Variants in KAZN observed in about 807,000 individuals in gnomAD.
The protein encoded by KAZN is kazrin.
A neutral mutation model predicts 87.4 loss-of-function variants in KAZN; 40 were observed. The ratio of observed to expected loss-of-function variants is 0.46; its 90% CI spans 0.36 to 0.60. The LOEUF is 0.60. Ranked by LOEUF, KAZN falls within the 20% of genes least tolerant of loss-of-function variation. The pLI, the probability that KAZN is intolerant of heterozygous loss-of-function variation, is 0.00. For missense variants in KAZN, 898 were observed against 1,073.9 expected (o/e 0.84, Z 2.29); for synonymous variants, 466 against 458.3 (o/e 1.02, Z -0.22).
chr1:14,134,969 GCACA>G (rs35930772), intron 1 of KAZN, among the ~76,000 whole-genome samples: 1,099 of 98,974 alleles, frequency 0.011, 7 homozygotes, highest in East Asian at 0.013. Flanking sequence ...ATATGCACCC[GCACA>G]CACACACACA....
At chr1:13,934,004 A>G (rs1205954022) in intron 1 of KAZN, among the ~76,000 whole-genome samples, 1 of 152,234 alleles carries the variant, frequency 6.6e-6, no homozygotes, top group African/African-American at 2.4e-5. Context: ...AAGTCAAGAA[A>G]AGAAAGACAA....
intron 2 of KAZN, among the ~76,000 whole-genome samples, chr1:14,355,490 A>G (rs1234929791): frequency 2.6e-5 from 4 of 151,940 alleles, no homozygotes; most frequent in Admixed American, 1.3e-4. Flanking sequence ...GGTTTGTTAC[A>G]TAAGTATACA....
chr1:15,080,506 C>T (rs1259691790), intron 8 of KAZN, among the ~76,000 whole-genome samples: 1 of 152,152 alleles, frequency 6.6e-6, no homozygotes, highest in Non-Finnish European at 1.5e-5. Context: ...TCCTGATGCT[C>T]TTCACACCCA....
chr1:14,983,449 GC>G (rs1311305062), intron 2 of KAZN, among the ~76,000 whole-genome samples: 2 of 152,204 alleles, frequency 1.3e-5, no homozygotes, highest in Non-Finnish European at 2.9e-5. Context: ...AGCTGGCTCA[GC>G]TGGCAAGCCT....
At chr1:13,982,304 C>T (rs572185087) in intron 1 of KAZN, among the ~76,000 whole-genome samples, 5 of 152,306 alleles carry the variant, frequency 3.3e-5, no homozygotes, top group African/African-American at 1.2e-4. Flanking sequence ...TGAACCCTCA[C>T]GGTGAGTGTT....
chr1:15,055,303 C>G (rs1674831298), intron 4 of KAZN, among the ~76,000 whole-genome samples: 1 of 152,078 alleles, frequency 6.6e-6, no homozygotes, highest in African/African-American at 2.4e-5. Context: ...ATGGTGAAAC[C>G]CCATCTCTAC....
intron 1 of KAZN, among the ~76,000 whole-genome samples, chr1:14,723,940 C>A (rs6656874): frequency 6.6e-6 from 1 of 152,164 alleles, no homozygotes; most frequent in African/African-American, 2.4e-5. Context: ...CACACATGAG[C>A]GTGGACAGAT....
rs1348022317 is a variant in KAZN at position 14,870,334 on chromosome 1, G to GT, written c.227-90344dup. Among the ~76,000 whole-genome samples, 6 of 152,110 alleles carry GT rather than the reference G, an allele frequency of 3.9e-5. No homozygotes were observed. The East Asian group carries it at 5.8e-4, about 15-fold the overall frequency. ...CTTCTCTGGCCCTGTTTCCTCAACTGTTTTTTGTTTTTTGTGTGTTTGTAT... is the reference window on the plus strand; with the variant it reads ...CTTCTCTGGCCCTGTTTCCTCAACTGTTTTTTTGTTTTTTGTGTGTTTGTAT... On this transcript the variant is annotated intron_variant, in intron 1 of 14. Transcript: ENST00000376030.
chr1:14,391,672 CTAAA>C (rs1351913909), intron 2 of KAZN: 2 of 152,192 alleles, frequency 1.3e-5, no homozygotes, highest in Non-Finnish European at 2.9e-5. Flanking sequence ...CCAACTCCCC[CTAAA>C]TAAAGTTTGT....
At chr1:14,722,548 TGC>T in intron 1 of KAZN, among the ~76,000 whole-genome samples, 1 of 152,368 alleles carries the variant, frequency 6.6e-6, no homozygotes, top group African/African-American at 2.4e-5. Context: ...TTCAAAACAT[TGC>T]ACTCTGGATT....
intron 2 of KAZN, among the ~76,000 whole-genome samples, chr1:14,317,646 T>C (rs975768203): frequency 6.6e-5 from 10 of 151,938 alleles, no homozygotes; most frequent in African/African-American, 2.4e-4. Flanking sequence ...TTTCTGAGGG[T>C]TCTGTCTTTT....
chr1:14,813,747 T>C (rs1411061011), intron 1 of KAZN, among the ~76,000 whole-genome samples: 4 of 152,234 alleles, frequency 2.6e-5, no homozygotes, highest in Non-Finnish European at 5.9e-5. Context: ...CATTTTGGAA[T>C]GTATTTCCAT....
chr1:14,971,693 T>G lies in KAZN; in HGVS notation c.418+10818T>G, dbSNP rs1204884541. On this transcript the variant is annotated intron_variant, in intron 2 of 14. Coordinates refer to ENST00000376030, the MANE Select transcript of KAZN (RefSeq NM_201628.3). ...TTTTTTTCTTTTTCTTTTTTTTTTT[T>G]TTTTTTGAGACGGACTCTCGCTCTG... Among the ~76,000 whole-genome samples, 20 of 146,962 alleles carry G rather than the reference T, an allele frequency of 1.4e-4. No homozygotes were observed. The South Asian group carries it at 4.3e-3, about 32-fold the overall frequency.
chr1:14,889,698 C>G (rs1654490709), intron 1 of KAZN, among the ~76,000 whole-genome samples: 1 of 152,170 alleles, frequency 6.6e-6, no homozygotes, highest in Admixed American at 6.5e-5. Context: ...GCCCACCAAC[C>G]AAGAATGTTT....
chr1:14,566,773 C>T (rs1355075447), intron 2 of KAZN, among the ~76,000 whole-genome samples: 1 of 152,208 alleles, frequency 6.6e-6, no homozygotes. Flanking sequence ...CATGAACAAA[C>T]TTCTACTAGC....
chr1:13,947,189 G>A (rs12130659), intron 1 of KAZN, among the ~76,000 whole-genome samples: 19,314 of 152,096 alleles, frequency 0.13, 1,289 homozygotes, highest in South Asian at 0.21. Context: ...GGAAACTCAC[G>A]ATCATGGCAG....
At chr1:14,171,921 T>G (rs999019294) in intron 1 of KAZN, among the ~76,000 whole-genome samples, 1 of 152,220 alleles carries the variant, frequency 6.6e-6, no homozygotes, top group Non-Finnish European at 1.5e-5. Context: ...AAATTGTATG[T>G]GTATCTTCTA....
intron 1 of KAZN, among the ~76,000 whole-genome samples, chr1:14,009,203 G>C (rs1336584615): frequency 1.3e-5 from 2 of 152,148 alleles, no homozygotes; most frequent in Admixed American, 6.5e-5. Flanking sequence ...TTACTCATCT[G>C]TTGATAAACA....
At chr1:14,388,463 G>A (rs1445772623) in intron 2 of KAZN, among the ~76,000 whole-genome samples, 7 of 152,116 alleles carry the variant, frequency 4.6e-5, no homozygotes, top group African/African-American at 1.7e-4. Flanking sequence ...ATATACTACA[G>A]AGTTATAGTA....
Sources: gnomAD v4.1 joint callset for allele counts (sites outside exome capture counted in the v4.1 genomes callset) on GRCh38, gnomAD v4.1.1 for gene constraint, MANE v1.5 for transcripts, NCBI Gene and HGNC (gene_info 2026-07-23, HGNC 2026-07-21) for gene names.